The following FILIP1L variants were observed in gnomAD, a reference collection of about 807,000 sequenced individuals.
FILIP1L encodes the protein filamin A interacting protein 1 like, also known as filamin A-interacting protein 1-like.
In FILIP1L, 55 loss-of-function variants were observed where a neutral mutation model predicts 96.6. The ratio of observed to expected loss-of-function variants is 0.57; its 90% CI spans 0.46 to 0.71. FILIP1L has a LOEUF of 0.71. Among genes scored for constraint, FILIP1L ranks in the 30% least tolerant of loss-of-function variants. FILIP1L has a pLI of 0.00. For missense variants in FILIP1L, 1,304 were observed against 1,321.2 expected (o/e 0.99, Z 0.20); for synonymous variants, 467 against 473.9 (o/e 0.99, Z 0.19).
In FILIP1L at chr3:99,851,181, G is replaced by A. The variant is rs80157625; in HGVS notation, c.606-111C>T. 21 of 844,150 alleles carry A rather than the reference G, an allele frequency of 2.5e-5. No homozygotes were observed. The East Asian group carries it at 5.2e-4, about 21-fold the overall frequency. The allele number at this position is 844,150 out of a possible 1,614,324, so 52.3% of individuals were successfully genotyped here. ...TTATGTAATTATATGAGCTGTGTCA[G>A]TTCATATACAATATGCAAAAGAGTT... On this transcript the variant is annotated intron_variant, in intron 4 of 5. Transcript: ENST00000477258.
chr3:99,851,288 T>C (rs1943685382), intron 4 of FILIP1L, among the ~76,000 whole-genome samples: 1 of 152,206 alleles, frequency 6.6e-6, no homozygotes, highest in Non-Finnish European at 1.5e-5. Flanking sequence ...AACAGCTGCA[T>C]TTCACCAGGA....
chr3:100,063,082 C>T (rs1043452658), intron 1 of FILIP1L, among the ~76,000 whole-genome samples: 3 of 152,194 alleles, frequency 2.0e-5, no homozygotes, highest in South Asian at 2.1e-4. Flanking sequence ...GAACTTTGAA[C>T]TATATTATAT....
chr3:99,885,523 TAGCAC>T (rs1461361923), intron 4 of FILIP1L, among the ~76,000 whole-genome samples: 1 of 152,246 alleles, frequency 6.6e-6, no homozygotes, highest in Admixed American at 6.5e-5. Context: ...ATTTAAAATT[TAGCAC>T]AAGTTCATAA....
intron 4 of FILIP1L, among the ~76,000 whole-genome samples, chr3:99,861,494 T>C (rs1455570363): frequency 1.3e-5 from 2 of 152,286 alleles, no homozygotes; most frequent in Non-Finnish European, 2.9e-5. Flanking sequence ...TGTCCTCAGG[T>C]TCCTAATGCT....
chr3:99,946,948 A>C (rs959815963), intron 1 of FILIP1L, among the ~76,000 whole-genome samples: 5 of 152,082 alleles, frequency 3.3e-5, no homozygotes, highest in Non-Finnish European at 7.4e-5. Flanking sequence ...CAGCCTGGCC[A>C]ACATGGCAAA....
At chr3:100,091,372 A>G (rs1009834186) in intron 1 of FILIP1L, among the ~76,000 whole-genome samples, 1 of 152,216 alleles carries the variant, frequency 6.6e-6, no homozygotes, top group Non-Finnish European at 1.5e-5. Flanking sequence ...TTCTTCTTCC[A>G]AAACAAAATG....
intron 1 of FILIP1L, among the ~76,000 whole-genome samples, chr3:99,989,550 C>T (rs1404317393): frequency 6.6e-6 from 1 of 152,168 alleles, no homozygotes; most frequent in African/African-American, 2.4e-5. Flanking sequence ...CCTCCTGTTC[C>T]TGCAGTTTCA....
chr3:100,049,001 T>C (rs1351789276), intron 1 of FILIP1L, among the ~76,000 whole-genome samples: 2 of 152,210 alleles, frequency 1.3e-5, no homozygotes, highest in African/African-American at 4.8e-5. Context: ...GATTACATCT[T>C]ATATGAATAA....
intron 1 of FILIP1L, among the ~76,000 whole-genome samples, chr3:100,103,489 A>G (rs187741068): frequency 2.6e-4 from 40 of 152,346 alleles, no homozygotes; most frequent in Admixed American, 2.4e-3. Flanking sequence ...CTGAAGATCT[A>G]GAGTCTTTAG....
intron 1 of FILIP1L, among the ~76,000 whole-genome samples, chr3:100,100,705 G>C (rs1576060603): frequency 2.6e-5 from 4 of 152,208 alleles, no homozygotes; most frequent in Admixed American, 2.6e-4. Flanking sequence ...TTACATTTTT[G>C]TTGGTAGCTG....
At chr3:99,887,517 A>G (rs762080644) in intron 4 of FILIP1L, among the ~76,000 whole-genome samples, 1 of 152,196 alleles carries the variant, frequency 6.6e-6, no homozygotes, top group Non-Finnish European at 1.5e-5. Context: ...GGCTACGAAT[A>G]GGTCTTAAAA....
chr3:100,006,116 T>C (rs1474200406), intron 1 of FILIP1L, among the ~76,000 whole-genome samples: 3 of 152,164 alleles, frequency 2.0e-5, no homozygotes, highest in Non-Finnish European at 4.4e-5. Context: ...GGGTAAAATT[T>C]GTTGCAGTTA....
At chr3:100,107,237 T>C (rs2107469042) in intron 1 of FILIP1L, among the ~76,000 whole-genome samples, 1 of 152,296 alleles carries the variant, frequency 6.6e-6, no homozygotes, top group South Asian at 2.1e-4. Context: ...TGTCCAGATG[T>C]AGATGGGAAT....
intron 1 of FILIP1L, among the ~76,000 whole-genome samples, chr3:99,963,848 T>C (rs9817005): frequency 0.73 from 111,663 of 151,938 alleles, 41,739 homozygotes; most frequent in African/African-American, 0.88. Flanking sequence ...GAACTCCTCA[T>C]CTTGTGATCT....
At position 100,012,162 on chromosome 3, in the gene FILIP1L, G is replaced by A. The variant is rs144790683; in HGVS notation, c.-10-81132C>T. On this transcript the variant is annotated intron_variant, in intron 1 of 5. Coordinates refer to ENST00000477258, the MANE Select transcript of FILIP1L (RefSeq NM_001387850.1). ...TATTTGTTAATTCTAAACTTGAGTG[G>A]GATTTATAATGTCTATATCTGTCTT... Among the ~76,000 whole-genome samples the A allele has an allele frequency of 3.7e-3, 566 of 151,988 alleles. 7 individuals carry two copies. Among genetic ancestry groups the A allele is most frequent in the Non-Finnish European group, 3.3e-3 (222 of 67,950 alleles).
intron 1 of FILIP1L, among the ~76,000 whole-genome samples, chr3:100,093,316 AAGTC>A (rs1421808687): frequency 1.3e-5 from 2 of 152,112 alleles, no homozygotes; most frequent in Non-Finnish European, 2.9e-5. Context: ...ATTTTAGAAA[AAGTC>A]AGATAATCCA....
At chr3:99,951,648 A>G (rs565767803) in intron 1 of FILIP1L, among the ~76,000 whole-genome samples, 143 of 152,240 alleles carry the variant, frequency 9.4e-4, no homozygotes, top group African/African-American at 3.3e-3. Context: ...CCACATATAC[A>G]CAGTCCCCAC....
At chr3:99,914,684 A>G (rs1190507805) in intron 4 of FILIP1L, among the ~76,000 whole-genome samples, 3 of 152,274 alleles carry the variant, frequency 2.0e-5, no homozygotes, top group Non-Finnish European at 4.4e-5. Flanking sequence ...AAATAGGTTC[A>G]TAACTTTTGA....
chr3:99,842,678 T>C lies in FILIP1L; in HGVS notation c.3381+5617A>G, dbSNP rs1943190977. Among the ~76,000 whole-genome samples, 3 of 152,296 alleles carry C rather than the reference T, an allele frequency of 2.0e-5. No homozygotes were observed. The South Asian group carries it at 6.2e-4, about 32-fold the overall frequency. On this transcript the variant is annotated intron_variant, in intron 5 of 5. Coordinates refer to ENST00000477258, the MANE Select transcript of FILIP1L (RefSeq NM_001387850.1). ...TTCTCTTGATCAACAATTTTGACAA[T>C]GAAATTTTAAATGATGCCACAAATA...
Sources: gnomAD v4.1 joint callset for allele counts (sites outside exome capture counted in the v4.1 genomes callset) on GRCh38, gnomAD v4.1.1 for gene constraint, MANE v1.5 for transcripts, NCBI Gene and HGNC (gene_info 2026-07-23, HGNC 2026-07-21) for gene names.